TEX9: variants seen among roughly 807,000 people sequenced by gnomAD.
TEX9 encodes testis expressed 9.
In TEX9, 74 loss-of-function variants were observed where a neutral mutation model predicts 59.6. That is an observed-to-expected ratio of 1.24 (90% CI 1.03 to 1.51). The LOEUF is 1.51. Among genes scored for constraint, TEX9 ranks in the 40% most tolerant of loss-of-function variants. The pLI is 0.00. For synonymous variants in TEX9, 186 were observed against 152.2 expected, an observed-to-expected ratio of 1.22 and a Z score of -1.64; for missense variants, 522 against 447.8, an observed-to-expected ratio of 1.17 and a Z score of -1.49.
upstream of TEX9, among the ~76,000 whole-genome samples, chr15:56,363,973 CACCT>C (rs1489129752): frequency 2.6e-5 from 4 of 151,408 alleles, no homozygotes; most frequent in East Asian, 1.9e-4. Flanking sequence ...TGAGCCACTG[CACCT>C]ACCTATTTTT....
chr15:56,345,087 A>T (rs1293109254), intron 1 of TEX9, among the ~76,000 whole-genome samples: 1 of 138,956 alleles, frequency 7.2e-6, no homozygotes, highest in South Asian at 2.2e-4. Context: ...GTATATATAT[A>T]TATGTATATA....
intron 9 of TEX9, among the ~76,000 whole-genome samples, chr15:56,406,487 T>C (rs1307122738): frequency 2.6e-5 from 4 of 152,196 alleles, no homozygotes; most frequent in African/African-American, 7.2e-5. Context: ...GTGAATTTTA[T>C]GGAAAGTGTA....
Position 56,373,403 on chromosome 15 carries a change from A to G in TEX9, c.120-38A>G, listed in dbSNP as rs536940008. On this transcript the variant is annotated intron_variant, in intron 2 of 12. Transcript: ENST00000352903. ...CTGAAGTTTATTTTTTATTTTTGTT[A>G]AGATCTTCAGTATATCCCAATTATT... is the stretch of plus-strand genomic sequence containing the variant. 3.2e-6 allele frequency: 5 copies of G among 1,569,760 alleles called. No individual in the cohort carries two copies. In the African/African-American group the frequency reaches 4.2e-5, roughly 13 times the overall value.
chr15:56,427,655 C>A, exon 11 of TEX9: 1 of 1,540,508 alleles, frequency 6.5e-7, no homozygotes, highest in African/African-American at 1.4e-5. Context: ...AATCAGAAAA[C>A]AAGAAGCTAG....
chr15:56,307,360 A>G (rs2045508311), intron 1 of TEX9, among the ~76,000 whole-genome samples: 1 of 152,140 alleles, frequency 6.6e-6, no homozygotes, highest in African/African-American at 2.4e-5. Flanking sequence ...TCCTCTCCCT[A>G]GCCCACCAAT....
At chr15:56,357,970 G>A (rs2046714394) in intron 1 of TEX9, among the ~76,000 whole-genome samples, 2 of 152,106 alleles carry the variant, frequency 1.3e-5, no homozygotes, top group Non-Finnish European at 2.9e-5. Flanking sequence ...TTTTGATGGT[G>A]AACTCACATT....
At chr15:56,434,920 T>C (rs1700915503) in intron 12 of TEX9, among the ~76,000 whole-genome samples, 1 of 152,136 alleles carries the variant, frequency 6.6e-6, no homozygotes, top group African/African-American at 2.4e-5. Flanking sequence ...TCAGTACTTC[T>C]TTAGGGAAAT....
intron 7 of TEX9, among the ~76,000 whole-genome samples, chr15:56,392,647 TTG>T (rs143654064): frequency 0.34 from 51,896 of 151,944 alleles, 10,361 homozygotes; most frequent in Non-Finnish European, 0.45. Context: ...ATAATAATTA[TTG>T]TGTTACTAAT....
At chr15:56,355,600 T>C (rs1412465453) in intron 1 of TEX9, among the ~76,000 whole-genome samples, 2 of 152,162 alleles carry the variant, frequency 1.3e-5, no homozygotes, top group Non-Finnish European at 2.9e-5. Context: ...AGTCATTCTA[T>C]TGTCTTTCCA....
intron 3 of TEX9, among the ~76,000 whole-genome samples, chr15:56,378,937 G>A (rs148762258): frequency 1.7e-4 from 26 of 151,820 alleles, no homozygotes; most frequent in African/African-American, 4.8e-4. Flanking sequence ...GGTGGTGCAC[G>A]CCTGTAGTCC....
chr15:56,313,981 G>T (rs2045690907), intron 1 of TEX9, among the ~76,000 whole-genome samples: 1 of 124,606 alleles, frequency 8.0e-6, no homozygotes, highest in East Asian at 2.3e-4. Context: ...TATTTCTGTG[G>T]GATCGGTGAT....
intron 1 of TEX9, among the ~76,000 whole-genome samples, chr15:56,298,091 T>A (rs144645326): frequency 1.4e-3 from 208 of 152,382 alleles, no homozygotes; most frequent in African/African-American, 4.1e-3. Context: ...CTGCCCATGT[T>A]GATTATGTGA....
chr15:56,452,731 G>A, the TEX9 span, among the ~76,000 whole-genome samples: 1 of 151,944 alleles, frequency 6.6e-6, no homozygotes, highest in Non-Finnish European at 1.5e-5. Context: ...TGTTAGCCAG[G>A]ATGGTCTCGA....
chr15:56,426,139 G>C (rs2050230998), intron 10 of TEX9, among the ~76,000 whole-genome samples: 1 of 152,092 alleles, frequency 6.6e-6, no homozygotes, highest in South Asian at 2.1e-4. Flanking sequence ...TGTTTCCGCA[G>C]CTTCCAACCT....
rs753380386 is a variant in TEX9 at position 56,332,612 on chromosome 15, A to AAT, written c.-106-40825_-106-40824dup. ...TGTGCACATGTACCCTAAAACTTAA[A>AAT]ATATAAAAAAAAAAAGAACTAGAAA... On this transcript the variant is annotated intron_variant, in intron 1 of 5. Coordinates refer to the TEX9 transcript ENST00000560827. 8.3e-3 allele frequency among the ~76,000 whole-genome samples: 1,023 copies of AAT among 122,864 alleles called. 8 individuals are homozygous for AAT. Among genetic ancestry groups the AAT allele is most frequent in the Middle Eastern group, 0.023 (5 of 220 alleles). The allele number at this position is 122,864 out of a possible 152,430, so 80.6% of individuals were successfully genotyped here. A position where few individuals can be genotyped will look rare whatever the true frequency, so the allele number is the denominator to read the frequency against.
At chr15:56,438,702 C>T (rs367918105) in intron 12 of TEX9, among the ~76,000 whole-genome samples, 20 of 152,166 alleles carry the variant, frequency 1.3e-4, no homozygotes, top group African/African-American at 3.6e-4. Flanking sequence ...TCAGAGTGAA[C>T]AGCCAACCTA....
chr15:56,283,687 A>G (rs2044873555), intron 1 of TEX9, among the ~76,000 whole-genome samples: 1 of 152,186 alleles, frequency 6.6e-6, no homozygotes, highest in African/African-American at 2.4e-5. Flanking sequence ...AGTTTTTAGA[A>G]GACAGCCAAA....
intron 1 of TEX9, among the ~76,000 whole-genome samples, chr15:56,271,654 T>C (rs1212978448): frequency 7.2e-5 from 11 of 152,184 alleles, no homozygotes; most frequent in Admixed American, 5.2e-4. Context: ...TTTTCTGATA[T>C]TAATATTGCC....
chr15:56,306,508 C>T (rs1469200459), intron 1 of TEX9, among the ~76,000 whole-genome samples: 1 of 152,064 alleles, frequency 6.6e-6, no homozygotes, highest in African/African-American at 2.4e-5. Flanking sequence ...AAGCCAAGCA[C>T]AGGACAAACT....
Sources: allele counts gnomAD v4.1 joint callset (sites outside exome capture counted in the v4.1 genomes callset), GRCh38; gene constraint gnomAD v4.1.1; transcripts MANE v1.5; gene names NCBI Gene and HGNC (gene_info 2026-07-23, HGNC 2026-07-21).